Variants in ASAP1 observed in about 807,000 individuals in gnomAD.
The protein encoded by ASAP1 is arf-GAP with SH3 domain, ANK repeat and PH domain-containing protein 1.
A neutral mutation model predicts 145.2 loss-of-function variants in ASAP1; 43 were observed. The ratio of observed to expected loss-of-function variants is 0.30; its 90% CI spans 0.23 to 0.38. ASAP1 has a LOEUF of 0.38. Ranked by LOEUF, ASAP1 falls within the 10% of genes least tolerant of loss-of-function variation. The pLI, the probability that ASAP1 is intolerant of heterozygous loss-of-function variation, is 1.00. For synonymous variants in ASAP1, 546 were observed against 515.5 expected (o/e 1.06, Z -0.80); for missense variants, 1,018 against 1,355.3 (o/e 0.75, Z 3.91).
intron 8 of ASAP1, among the ~76,000 whole-genome samples, 196 bp from the exon 9 acceptor site, chr8:130,179,545 A>C (rs1288942209): frequency 6.6e-6 from 1 of 152,146 alleles, no homozygotes; most frequent in African/African-American, 2.4e-5. Context: ...GCATTTTATA[A>C]ATTATTTTAT....
chr8:130,193,465 A>C (rs1202803664), intron 5 of ASAP1, among the ~76,000 whole-genome samples: 1 of 152,170 alleles, frequency 6.6e-6, no homozygotes, highest in Non-Finnish European at 1.5e-5. Flanking sequence ...TGTTGATACC[A>C]ATTTCCTCCA....
chr8:130,173,918 A>G (rs974633270), intron 9 of ASAP1, among the ~76,000 whole-genome samples: 1 of 148,376 alleles, frequency 6.7e-6, no homozygotes, highest in African/African-American at 2.5e-5. Flanking sequence ...ACTAAAAAAA[A>G]AAGAAAAAAA....
intron 2 of ASAP1, among the ~76,000 whole-genome samples, chr8:130,393,058 A>G (rs1356017434): frequency 6.6e-6 from 1 of 152,136 alleles, no homozygotes; most frequent in Non-Finnish European, 1.5e-5. Context: ...GAGTGTTCTC[A>G]TAACTTATCT....
chr8:130,271,215 A>G (rs1820565798), intron 3 of ASAP1, among the ~76,000 whole-genome samples: 1 of 152,184 alleles, frequency 6.6e-6, no homozygotes, highest in South Asian at 2.1e-4. Flanking sequence ...GAAGAGCTAT[A>G]CTAACAAGTG....
chr8:130,312,398 G>T (rs947888926), intron 3 of ASAP1, among the ~76,000 whole-genome samples: 3 of 151,774 alleles, frequency 2.0e-5, no homozygotes, highest in Non-Finnish European at 2.9e-5. Context: ...ACACAAACCA[G>T]ACGAGAGCTA....
At chr8:130,298,215 T>C (rs1364948912) in intron 3 of ASAP1, among the ~76,000 whole-genome samples, 1 of 152,142 alleles carries the variant, frequency 6.6e-6, no homozygotes, top group South Asian at 2.1e-4. Flanking sequence ...AAGGGAAGCA[T>C]GAGAAACCTG....
At chr8:130,396,094 T>C (rs1265521957) in intron 2 of ASAP1, among the ~76,000 whole-genome samples, 8 of 152,170 alleles carry the variant, frequency 5.3e-5, no homozygotes, top group Admixed American at 5.2e-4. Context: ...CTTGATATCC[T>C]GGCAGCTTGC....
At chr8:130,410,351 T>C (rs887829894) in intron 1 of ASAP1, among the ~76,000 whole-genome samples, 5 of 152,160 alleles carry the variant, frequency 3.3e-5, no homozygotes, top group African/African-American at 1.2e-4. Context: ...TTGTGACTCT[T>C]AGAATAAGTG....
chr8:130,224,098 G>A (rs72722389), intron 4 of ASAP1, among the ~76,000 whole-genome samples: 1 of 151,992 alleles, frequency 6.6e-6, no homozygotes, highest in Non-Finnish European at 1.5e-5. Flanking sequence ...TTTGTTATAC[G>A]CCCAGTTCCC....
chr8:130,335,008 A>T (rs1481974299), intron 3 of ASAP1, among the ~76,000 whole-genome samples: 2 of 152,126 alleles, frequency 1.3e-5, no homozygotes, highest in Non-Finnish European at 2.9e-5. Context: ...TTCTTCCCCA[A>T]ATTCTCTCTG....
At chr8:130,072,824 T>TGTGTGCGCGCGCGCGCGCGCGCGCGCGC in intron 27 of ASAP1, among the ~76,000 whole-genome samples, 1 of 32,282 alleles carries the variant, frequency 3.1e-5, no homozygotes, top group African/African-American at 1.2e-4. Context: ...TGTGTGTGTG[T>TGTGTGCGCGCGCGCGCGCGCGCGCGCGC]GCGCGCGGGG....
chr8:130,151,803 A>G (rs1002664268), intron 13 of ASAP1, among the ~76,000 whole-genome samples: 1 of 152,258 alleles, frequency 6.6e-6, no homozygotes, highest in Non-Finnish European at 1.5e-5. Context: ...GGGCGCTTAC[A>G]GTCTAGTAAG....
In ASAP1 at chr8:130,228,880, A is replaced by G. The variant is rs948726909; in HGVS notation, c.259+8042T>C. ...ACATTAATATCACTGCACTTTCACAATGGGGAAAGAAACCAGAAAACACCA... is the reference window on the plus strand; with the variant it reads ...ACATTAATATCACTGCACTTTCACAGTGGGGAAAGAAACCAGAAAACACCA... On this transcript the variant is annotated intron_variant, in intron 4 of 29. Coordinates refer to ENST00000518721, the MANE Select transcript of ASAP1 (RefSeq NM_018482.4). Among the ~76,000 whole-genome samples the G allele has an allele frequency of 4.6e-5, 7 of 152,106 alleles. No individual in the cohort carries two copies. The East Asian group carries it at 9.6e-4, about 21-fold the overall frequency.
chr8:130,250,416 T>G (rs1357175870), intron 3 of ASAP1, among the ~76,000 whole-genome samples: 3 of 152,192 alleles, frequency 2.0e-5, no homozygotes, highest in Non-Finnish European at 4.4e-5. Context: ...ACATGTTTTA[T>G]TCTACTTTTT....
At chr8:130,137,281 G>A (rs1378030405) in intron 13 of ASAP1, among the ~76,000 whole-genome samples, 1 of 152,140 alleles carries the variant, frequency 6.6e-6, no homozygotes, top group Non-Finnish European at 1.5e-5. Context: ...ATTTATCCCA[G>A]TTGAATTCTG....
chr8:130,140,798 T>C (rs1436128784), intron 13 of ASAP1, among the ~76,000 whole-genome samples: 2 of 152,182 alleles, frequency 1.3e-5, no homozygotes, highest in Non-Finnish European at 2.9e-5. Context: ...ATCCCAAATG[T>C]GACTTTGAGG....
chr8:130,199,442 G>A (rs1413687428), intron 5 of ASAP1, among the ~76,000 whole-genome samples: 1 of 152,226 alleles, frequency 6.6e-6, no homozygotes, highest in African/African-American at 2.4e-5. Context: ...CTAGATTCAG[G>A]AGAGGGACAG....
intron 4 of ASAP1, among the ~76,000 whole-genome samples, chr8:130,228,507 C>T (rs1174342271): frequency 1.3e-5 from 2 of 151,994 alleles, no homozygotes; most frequent in Non-Finnish European, 1.5e-5. Flanking sequence ...TCAAGACCAG[C>T]CTGGGAAACA....
intron 2 of ASAP1, among the ~76,000 whole-genome samples, chr8:130,364,730 C>T (rs1022152951): frequency 1.3e-5 from 2 of 152,182 alleles, no homozygotes; most frequent in Non-Finnish European, 2.9e-5. Flanking sequence ...GTCAGCTTCT[C>T]TCACTCTGCC....
Sources: allele counts gnomAD v4.1 joint callset (sites outside exome capture counted in the v4.1 genomes callset), GRCh38; gene constraint gnomAD v4.1.1; transcripts MANE v1.5; gene names NCBI Gene and HGNC (gene_info 2026-07-23, HGNC 2026-07-21).